Variants in DDX60L observed in about 807,000 individuals in gnomAD.
The protein encoded by DDX60L is DExD/H-box 60 like.
DDX60L carries 191 observed loss-of-function variants against 211.6 expected under a neutral mutation model. The observed-to-expected ratio is 0.90, with a 90% CI of 0.80 to 1.02. The LOEUF is 1.02. Among genes scored for constraint, DDX60L ranks in the 50% least tolerant of loss-of-function variants. The pLI, the probability that DDX60L is intolerant of heterozygous loss-of-function variation, is 0.00. For synonymous variants in DDX60L, 706 were observed against 694.1 expected (o/e 1.02, Z -0.27); for missense variants, 2,007 against 1,984.1 (o/e 1.01, Z -0.22).
chr4:168,394,327 C>T (rs868298711), intron 28 of DDX60L, 138 bp downstream of exon 28: 8 of 558,046 alleles, frequency 1.4e-5, no homozygotes, highest in African/African-American at 1.4e-4. Context: ...ATAGATGGAG[C>T]AGTCCAGTCC....
At chr4:168,474,870 G>C (rs1759269521) in intron 1 of DDX60L, among the ~76,000 whole-genome samples, 1 of 152,082 alleles carries the variant, frequency 6.6e-6, no homozygotes, top group African/African-American at 2.4e-5. Flanking sequence ...GACTGCCTCA[G>C]GGCTGAAGAA....
intron 17 of DDX60L, among the ~76,000 whole-genome samples, chr4:168,420,652 G>GATAA (rs1750431335): frequency 8.7e-6 from 1 of 114,298 alleles, no homozygotes; most frequent in South Asian, 2.7e-4. Context: ...GAGATAGATA[G>GATAA]ATAGATAGAT....
At chr4:168,456,465 AT>A (rs1756584863) in intron 6 of DDX60L, among the ~76,000 whole-genome samples, 1 of 152,150 alleles carries the variant, frequency 6.6e-6, no homozygotes, top group Admixed American at 6.5e-5. Flanking sequence ...AAATCATCCC[AT>A]TTTACTAAAA....
intron 15 of DDX60L, 116 bp from the exon 16 acceptor site, chr4:168,422,786 A>AT: frequency 2.5e-6 from 2 of 811,460 alleles, no homozygotes; most frequent in East Asian, 2.7e-5. Flanking sequence ...ACTTTTTTTT[A>AT]TTTTTTTGAG....
chr4:168,405,827 A>C (rs1285200040), intron 24 of DDX60L, 123 bp downstream of exon 24: 1 of 1,052,616 alleles, frequency 9.5e-7, no homozygotes, highest in Non-Finnish European at 1.3e-6. Context: ...ACATGTTTAA[A>C]TGGAATTACT....
At chr4:168,365,595 T>C (rs925404448) in intron 36 of DDX60L, among the ~76,000 whole-genome samples, 6 of 151,156 alleles carry the variant, frequency 4.0e-5, no homozygotes, top group African/African-American at 1.5e-4. Flanking sequence ...CTACCAAACA[T>C]TTAAAGAAGA....
chr4:168,358,524 C>CTTTTTTTTTTTTTTTTTTTTT (rs70961514), intron 37 of DDX60L, among the ~76,000 whole-genome samples: 17 of 108,294 alleles, frequency 1.6e-4, no homozygotes, highest in Non-Finnish European at 2.1e-4. Context: ...TTTTCTTTTT[C>CTTTTTTTTTTTTTTTTTTTTT]TTTTTTTTTT....
intron 33 of DDX60L, 131 bp from the exon 34 acceptor site, chr4:168,375,655 C>T: frequency 3.7e-6 from 3 of 815,830 alleles, no homozygotes; most frequent in African/African-American, 1.8e-5. Context: ...ACTTTACTCA[C>T]CTGTGAGATT....
chr4:168,400,805 T>A (rs1454378893), intron 26 of DDX60L, 21 bp downstream of exon 26: 1 of 1,584,260 alleles, frequency 6.3e-7, no homozygotes, highest in Non-Finnish European at 8.6e-7. Context: ...CCAATTTGTT[T>A]AAGTAAACAT....
intron 26 of DDX60L, among the ~76,000 whole-genome samples, chr4:168,400,092 T>A (rs1309250747): frequency 6.6e-6 from 1 of 152,190 alleles, no homozygotes; most frequent in African/African-American, 2.4e-5. Context: ...ATTTACTTCC[T>A]ACTTATAAGT....
chr4:168,403,981 C>T lies in DDX60L; in HGVS notation c.3338+1G>A, dbSNP rs977084078. On this transcript the variant is annotated splice_donor_variant, in intron 25 of 37. Transcript: ENST00000682922. LOFTEE classifies it high-confidence loss of function. ...AGATAAATTAAGTTTCAGTTACTTACAAAAAAAATATTGCAGGCAACTTAT... is the reference window on the plus strand; with the variant it reads ...AGATAAATTAAGTTTCAGTTACTTATAAAAAAAATATTGCAGGCAACTTAT... 5 of 1,441,442 alleles carry T rather than the reference C, an allele frequency of 3.5e-6. No homozygotes were observed. The African/African-American group carries it at 4.3e-5, about 13-fold the overall frequency. 89.3% of individuals were successfully genotyped at this position (1,441,442 alleles called of 1,614,324 possible).
chr4:168,358,615 C>T (rs1738567388), intron 37 of DDX60L, among the ~76,000 whole-genome samples: 1 of 148,860 alleles, frequency 6.7e-6, no homozygotes, highest in Admixed American at 6.8e-5. Context: ...TCACTGCAAC[C>T]TCTGCCTCCT....
intron 15 of DDX60L, among the ~76,000 whole-genome samples, chr4:168,423,000 T>TGTGTGTG (rs375472116): frequency 2.8e-5 from 3 of 108,186 alleles, no homozygotes; most frequent in African/African-American, 1.1e-4. Context: ...TGTGTGTGTG[T>TGTGTGTG]TGTAGAGACA....
rs774170324 is a variant in DDX60L at position 168,391,660 on chromosome 4, A to G, written c.3811-16T>C. ...CTGTCACTACCTAGGAAAAAAAAAA[A>G]AAAACAGTCAATACACAATATAGCA... is the stretch of plus-strand genomic sequence containing the variant. On this transcript the variant is annotated splice_polypyrimidine_tract_variant and intron_variant, in intron 28 of 37. Transcript: ENST00000682922. 2.1e-6 allele frequency: 3 copies of G among 1,414,146 alleles called. No individual in the cohort carries two copies. The highest frequency in any genetic ancestry group is 1.4e-5 in the African/African-American group (1 of 69,350). 87.6% of individuals were successfully genotyped at this position (1,414,146 alleles called of 1,614,324 possible).
chr4:168,444,228 C>T (rs1754395760), intron 9 of DDX60L, among the ~76,000 whole-genome samples: 1 of 79,288 alleles, frequency 1.3e-5, no homozygotes, highest in Non-Finnish European at 2.4e-5. Context: ...GGTTGCAATC[C>T]TAGTCTCTGA....
intron 13 of DDX60L, 77 bp downstream of exon 13, chr4:168,430,401 C>G (rs1186112573): frequency 1.5e-6 from 2 of 1,303,714 alleles, no homozygotes; most frequent in Non-Finnish European, 2.1e-6. Context: ...TGGAAGACAC[C>G]TCCAGAGACA....
intron 28 of DDX60L, among the ~76,000 whole-genome samples, chr4:168,392,879 T>G (rs947183186): frequency 5.9e-4 from 89 of 150,164 alleles, no homozygotes; most frequent in African/African-American, 2.1e-3. Context: ...TGTAGCAAGC[T>G]CCCACAGTCT....
chr4:168,457,945 A>C lies in DDX60L; in HGVS notation c.670T>G (p.Leu224Val). The C allele has an allele frequency of 6.4e-7, 1 of 1,573,804 alleles. No homozygotes were observed. The highest frequency in any genetic ancestry group is 1.7e-4 in the Middle Eastern group (1 of 5,878). The change falls in exon 6 of 38, where the codon TTA becomes GTA. Residue 224 changes from leucine (L) to valine (V), a missense_variant. Leu to Val is a conservative substitution (Grantham distance 32, BLOSUM62 1). Coordinates refer to ENST00000682922, the MANE Select transcript of DDX60L (RefSeq NM_001012967.3). ...TGTTCAAAATGAGTTGCTAATACTA[A>C]AACCCTTATTTCTTCCAAGTGTTGT... is the stretch of plus-strand genomic sequence containing the variant. ...LIQHLEEIRV[L>V]VLATHFEHLK...
chr4:168,373,188 C>A (rs1173927414), intron 35 of DDX60L, among the ~76,000 whole-genome samples: 3 of 152,038 alleles, frequency 2.0e-5, no homozygotes, highest in Non-Finnish European at 4.4e-5. Context: ...TAAATATATT[C>A]AATGTGGAAT....
Sources: allele counts gnomAD v4.1 joint callset (sites outside exome capture counted in the v4.1 genomes callset), GRCh38; gene constraint gnomAD v4.1.1; transcripts MANE v1.5; gene names NCBI Gene and HGNC (gene_info 2026-07-23, HGNC 2026-07-21).